CIZ1: variants seen among roughly 807,000 people sequenced by gnomAD.
The protein encoded by CIZ1 is cip1-interacting zinc finger protein.
Under a neutral mutation model 118.6 loss-of-function variants are expected in CIZ1, and 58 were observed. The ratio of observed to expected loss-of-function variants is 0.49; its 90% confidence interval spans 0.40 to 0.61. CIZ1 has a LOEUF of 0.61. Among genes scored for constraint, CIZ1 ranks in the 20% least tolerant of loss-of-function variants. The pLI, the probability that CIZ1 is intolerant of heterozygous loss-of-function variation, is 0.00. For missense variants in CIZ1, 921 were observed against 1,115.9 expected (o/e 0.83, Z 2.49); for synonymous variants, 448 against 443.4 (o/e 1.01, Z -0.13).
intron 11 of CIZ1, among the ~76,000 whole-genome samples, chr9:128,172,147 C>CAAA (rs58895140): frequency 4.3e-5 from 3 of 69,166 alleles, no homozygotes; most frequent in African/African-American, 2.1e-4. Context: ...GACACTGTCT[C>CAAA]AAAAAAAAAA....
chr9:128,169,719 G>A, intron 12 of CIZ1, 200 bp from the exon 13 acceptor site: 1 of 1,534,784 alleles, frequency 6.5e-7, no homozygotes, highest in South Asian at 1.2e-5. Flanking sequence ...TAGGATGGCA[G>A]ATGGCAACAC....
chr9:128,189,250 T>TTTC (rs1832828444), intron 3 of CIZ1, among the ~76,000 whole-genome samples: 1 of 152,112 alleles, frequency 6.6e-6, no homozygotes. Context: ...GGGTGTAATG[T>TTTC]TTTAAATGGG....
At chr9:128,194,379 A>AG (rs1833325238), upstream of CIZ1, among the ~76,000 whole-genome samples, 1 of 151,538 alleles carries the variant, frequency 6.6e-6, no homozygotes. Flanking sequence ...AAAAAAAAAA[A>AG]AAAGAATCTT....
intron 3 of CIZ1, among the ~76,000 whole-genome samples, chr9:128,188,189 A>G (rs942585206): frequency 6.6e-6 from 1 of 151,740 alleles, no homozygotes; most frequent in Non-Finnish European, 1.5e-5. Context: ...CTCTGGTGCA[A>G]TATTAAACAG....
intron 11 of CIZ1, among the ~76,000 whole-genome samples, chr9:128,174,719 G>A (rs536751387): frequency 1.3e-5 from 2 of 152,178 alleles, no homozygotes; most frequent in East Asian, 3.9e-4. Flanking sequence ...AAGTGCAGTG[G>A]CGCGATCTCG....
At position 128,191,423 on chromosome 9, in the gene CIZ1, G is replaced by A. The variant is rs1207137593; in HGVS notation, c.-6+9C>T. ...GAGCCCCACGACCCAGCCGCCCCCG[G>A]CCCCGCACCTCGCCTCCCCGCGCGC... On this transcript the variant is annotated intron_variant, in intron 1 of 16. Coordinates refer to ENST00000372938, the MANE Select transcript of CIZ1 (RefSeq NM_001131016.2). The surrounding 1 kb of genome is among the most constrained non-coding windows in gnomAD (Gnocchi z 5.5). 5 of 935,000 alleles carry A rather than the reference G, an allele frequency of 5.3e-6. No homozygotes were observed. Among genetic ancestry groups the A allele is most frequent in the African/African-American group, 3.5e-5 (2 of 56,442 alleles). 57.9% of individuals were successfully genotyped at this position (935,000 alleles called of 1,614,324 possible). A position where few individuals can be genotyped will look rare whatever the true frequency, so the allele number is the denominator to read the frequency against.
At chr9:128,191,920 C>A, upstream of CIZ1, 1 of 1,433,270 alleles carries the variant, frequency 7.0e-7, no homozygotes, top group Non-Finnish European at 9.2e-7. This position sits in a 1 kb window ranked among gnomAD's most constrained non-coding sequence, Gnocchi z 5.5. Context: ...AGAGGGGGCG[C>A]GCAGTTGGCG....
rs754999070 is a variant in CIZ1 at position 128,176,945 on chromosome 9, C to G, written c.1819-470G>C. Among the ~76,000 whole-genome samples, 45 of 152,146 alleles carry G rather than the reference C, an allele frequency of 3.0e-4. 1 individual carries two copies. The highest frequency in any genetic ancestry group is 2.6e-3 in the Admixed American group (40 of 15,272). ...TCGTTTTGAGAGTCTCGCTCTGTTA[C>G]CCAGGCTGGAGCACAGTGGCATGAT... On this transcript the variant is annotated intron_variant, in intron 10 of 16. Transcript: ENST00000372938.
At chr9:128,176,896 T>C (rs1317245255) in intron 10 of CIZ1, among the ~76,000 whole-genome samples, 1 of 152,184 alleles carries the variant, frequency 6.6e-6, no homozygotes, top group Non-Finnish European at 1.5e-5. Flanking sequence ...GTGAGGTGGA[T>C]TCTAAACGTT....
chr9:128,182,618 C>T (rs892758464), intron 5 of CIZ1, among the ~76,000 whole-genome samples: 5 of 152,094 alleles, frequency 3.3e-5, no homozygotes, highest in Non-Finnish European at 7.4e-5. Flanking sequence ...GCCATGCCCC[C>T]GCAACCAGCC....
At chr9:128,172,172 A>G (rs10733690) in intron 11 of CIZ1, among the ~76,000 whole-genome samples, 104,226 of 121,212 alleles carry the variant, frequency 0.86, 45,533 homozygotes, top group Non-Finnish European at 0.93. Flanking sequence ...AAAAAAAAAA[A>G]AAAAAGAAAA....
chr9:128,177,546 CTTAT>C lies in CIZ1; in HGVS notation c.1818+16_1818+19del. Reference sequence around the variant, plus strand: ...CACGCAGGCCCCACCCCTCCCCACCCTTATCTCCTGTATCAGTACCTGCTGGCTG... The same window carrying C: ...CACGCAGGCCCCACCCCTCCCCACCCCTCCTGTATCAGTACCTGCTGGCTG... On this transcript the variant is annotated intron_variant, in intron 10 of 16. Transcript: ENST00000372938. 8.9e-6 allele frequency: 12 copies of C among 1,353,398 alleles called. No individual in the cohort carries two copies. Among genetic ancestry groups the C allele is most frequent in the African/African-American group, 1.5e-5 (1 of 68,400 alleles). The allele number at this position is 1,353,398 out of a possible 1,614,324, so 83.8% of individuals were successfully genotyped here.
chr9:128,169,359 G>T lies in CIZ1; in HGVS notation c.2145+47C>A, dbSNP rs1194217308. The T allele has an allele frequency of 3.2e-6, 5 of 1,548,408 alleles. 1 individual carries two copies. Among genetic ancestry groups the T allele is most frequent in the Middle Eastern group, 3.4e-4 (2 of 5,968 alleles). On this transcript the variant is annotated intron_variant, in intron 13 of 16. Transcript: ENST00000372938. ...AACTTGCTACACAGCCTTGGCCAAG[G>T]CTCTGTACCTCTCTGGGCCCATGTC...
intron 5 of CIZ1, among the ~76,000 whole-genome samples, chr9:128,181,782 C>T (rs1485600866): frequency 3.1e-5 from 4 of 130,690 alleles, no homozygotes; most frequent in Non-Finnish European, 6.5e-5. Context: ...GGGGGGGGGT[C>T]TCCCTTTCCC....
chr9:128,168,917 G>T, intron 14 of CIZ1, 135 bp downstream of exon 14: 1 of 1,231,012 alleles, frequency 8.1e-7, no homozygotes, highest in Non-Finnish European at 1.1e-6. Context: ...GAAGGCAGTT[G>T]ACAGTAATCA....
Position 128,203,428 on chromosome 9 carries a change from G to A in CIZ1, c.-6+758C>T, listed in dbSNP as rs554692756. On this transcript the variant is annotated intron_variant, in intron 1 of 17. Coordinates refer to the CIZ1 transcript ENST00000372948. The surrounding 1 kb of genome is among the most constrained non-coding windows in gnomAD (Gnocchi z 5.3). ...CGGAGCCGGAGTCGGAGCCGGGAGC[G>A]CTAGCGGCAGCCGGATCGCAGCCTG... 4.9e-6 allele frequency: 7 copies of A among 1,416,636 alleles called. No individual in the cohort carries two copies. The highest frequency in any genetic ancestry group is 6.5e-6 in the Non-Finnish European group (7 of 1,081,334). The allele number at this position is 1,416,636 out of a possible 1,614,324, so 87.8% of individuals were successfully genotyped here. A position where few individuals can be genotyped will look rare whatever the true frequency, so the allele number is the denominator to read the frequency against.
Position 128,180,764 on chromosome 9 carries a change from C to T in CIZ1, c.639G>A (p.Glu213=), listed in dbSNP as rs1285512165. The change falls in exon 6 of 17, where the codon GAG becomes GAA. Residue 213 remains glutamate (E), a synonymous_variant. Coordinates refer to ENST00000372938, the MANE Select transcript of CIZ1 (RefSeq NM_001131016.2). The stretch of plus-strand genomic sequence containing the variant: ...GGGGCTCTGCGGCTTCCTCAGACCC[C>T]TCTGGGGGGTCTGACTTGTCTTCCA... ...MPVEDKSDPP[E]GSEEAAEPRM... The T allele has an allele frequency of 1.2e-6, 2 of 1,611,686 alleles. No homozygotes were observed. Among genetic ancestry groups the T allele is most frequent in the Admixed American group, 1.7e-5 (1 of 59,130 alleles).
chr9:128,203,349 C>T lies in CIZ1; in HGVS notation c.-6+837G>A. ...TCCGGGAGCGGTGCTCGCTCCGATC[C>T]CCGAGGGGCGGGGGCCCCGCGGCGC... On this transcript the variant is annotated intron_variant, in intron 1 of 17. Transcript: ENST00000372948. This position sits in a 1 kb window ranked among gnomAD's most constrained non-coding sequence, Gnocchi z 5.3. 1.0e-6 allele frequency: 1 copy of T among 978,912 alleles called. No homozygotes were observed. Among genetic ancestry groups the T allele is most frequent in the South Asian group, 3.4e-5 (1 of 29,772 alleles). The allele number at this position is 978,912 out of a possible 1,614,324, so 60.6% of individuals were successfully genotyped here. A position where few individuals can be genotyped will look rare whatever the true frequency, so the allele number is the denominator to read the frequency against.
intron 9 of CIZ1, 99 bp from the exon 10 acceptor site, chr9:128,177,862 T>C: frequency 2.4e-6 from 2 of 830,378 alleles, no homozygotes; most frequent in Non-Finnish European, 3.6e-6. Flanking sequence ...CAGATCTTCC[T>C]GATGATAGGG....
Sources: gnomAD v4.1 joint callset for allele counts (sites outside exome capture counted in the v4.1 genomes callset) on GRCh38, gnomAD v4.1.1 for gene constraint, Gnocchi (gnomAD v3.1) non-coding constraint, MANE v1.5 for transcripts, NCBI Gene and HGNC (gene_info 2026-07-23, HGNC 2026-07-21) for gene names.